SYT16: variants seen among roughly 807,000 people sequenced by gnomAD.
The protein encoded by SYT16 is synaptotagmin 16, also known as synaptotagmin-16.
SYT16 carries 42 observed loss-of-function variants against 61.4 expected under a neutral mutation model. That is an observed-to-expected ratio of 0.68 (90% confidence interval 0.53 to 0.89). SYT16 has a LOEUF of 0.89. Ranked by LOEUF, SYT16 falls within the 40% of genes least tolerant of loss-of-function variation. The pLI is 0.00. For missense variants in SYT16, 804 were observed against 807.3 expected (o/e 1.00, Z 0.05); for synonymous variants, 314 against 302.3 (o/e 1.04, Z -0.40).
chr14:61,893,586 G>C (rs1472945455), intron 1 of SYT16, among the ~76,000 whole-genome samples: 1 of 152,118 alleles, frequency 6.6e-6, no homozygotes, highest in Non-Finnish European at 1.5e-5. Flanking sequence ...AAATCACTTG[G>C]GTGCTTGTGA....
chr14:61,898,385 A>G (rs574335662), intron 1 of SYT16, among the ~76,000 whole-genome samples: 2 of 152,326 alleles, frequency 1.3e-5, no homozygotes, highest in East Asian at 1.9e-4. Context: ...CTTAATATCC[A>G]TCTCAAGTTG....
chr14:62,044,574 A>C (rs748296890), intron 3 of SYT16, among the ~76,000 whole-genome samples: 37 of 151,970 alleles, frequency 2.4e-4, no homozygotes, highest in Non-Finnish European at 4.3e-4. Context: ...TTCCTGTGTT[A>C]GTTTGCTGAG....
chr14:62,048,998 G>A (rs1013955912), intron 3 of SYT16, among the ~76,000 whole-genome samples: 1 of 152,118 alleles, frequency 6.6e-6, no homozygotes, highest in Non-Finnish European at 1.5e-5. Context: ...AGGTCTGCTT[G>A]GTGCAGAGCT....
chr14:61,854,808 C>T (rs1415887883), intron 1 of SYT16, among the ~76,000 whole-genome samples: 2 of 151,986 alleles, frequency 1.3e-5, no homozygotes, highest in Non-Finnish European at 2.9e-5. Flanking sequence ...TTTTTCTCCA[C>T]ACTTACCTAA....
intron 1 of SYT16, among the ~76,000 whole-genome samples, chr14:61,938,117 A>G: frequency 6.6e-6 from 1 of 151,556 alleles, no homozygotes; most frequent in East Asian, 1.9e-4. Context: ...CTATAAGTTT[A>G]ATTTTTCAAT....
chr14:61,888,333 G>C (rs2047994000), intron 1 of SYT16, among the ~76,000 whole-genome samples: 1 of 152,016 alleles, frequency 6.6e-6, no homozygotes, highest in Non-Finnish European at 1.5e-5. Context: ...GGCCAGGCTG[G>C]TCTCAAACTC....
intron 7 of SYT16, among the ~76,000 whole-genome samples, chr14:62,094,447 A>G (rs1406028694): frequency 1.3e-5 from 2 of 152,032 alleles, no homozygotes; most frequent in African/African-American, 2.4e-5. Context: ...TTCTTTTTTT[A>G]GAGCAACAAA....
At chr14:62,050,893 A>C (rs1319321717) in intron 3 of SYT16, among the ~76,000 whole-genome samples, 1 of 151,698 alleles carries the variant, frequency 6.6e-6, no homozygotes, top group African/African-American at 2.4e-5. Context: ...CTGGGAGGTG[A>C]CTCCCAGTTA....
At chr14:62,070,282 G>A (rs1365064653) in intron 4 of SYT16, among the ~76,000 whole-genome samples, 4 of 152,248 alleles carry the variant, frequency 2.6e-5, no homozygotes, top group East Asian at 3.9e-4. Context: ...TTTGCATTAC[G>A]AAATCAATGG....
At position 61,987,338 on chromosome 14, in the gene SYT16, A is replaced by G. The variant is rs574576597; in HGVS notation, c.-144-8538A>G. 1.2e-4 allele frequency among the ~76,000 whole-genome samples: 18 copies of G among 152,312 alleles called. 1 individual carries two copies. The highest frequency in any genetic ancestry group is 1.2e-3 in the Admixed American group (18 of 15,280). On this transcript the variant is annotated intron_variant, in intron 2 of 7. Transcript: ENST00000683842. The stretch of plus-strand genomic sequence containing the variant: ...GGCCTTCTGAGTCTTGTGAATTTTG[A>G]ACTTTGCCATAAGTGCAATGGGAAG...
At position 62,101,374 on chromosome 14, in the gene SYT16, C is replaced by T. The variant is rs1281617896; in HGVS notation, c.*667C>T. ...TTGAAGCAAGAAAAGAGTTCAGAAA[C>T]TACTGTTTTAAGACAACTTGTCTCC... On this transcript the variant is annotated 3_prime_UTR_variant, in exon 8 of 8. Coordinates refer to ENST00000683842, the MANE Select transcript of SYT16 (RefSeq NM_001367656.1). The T allele has an allele frequency of 6.6e-6, 1 of 152,078 alleles. No individual in the cohort carries two copies. Among genetic ancestry groups the T allele is most frequent in the African/African-American group, 2.4e-5 (1 of 41,408 alleles). The allele number at this position is 152,078 out of a possible 1,614,324, so 9.4% of individuals were successfully genotyped here. A position where few individuals can be genotyped will look rare whatever the true frequency, so the allele number is the denominator to read the frequency against.
intron 2 of SYT16, 94 bp from the exon 3 acceptor site, chr14:61,995,782 G>T (rs2052741873): frequency 5.1e-6 from 2 of 389,740 alleles, no homozygotes; most frequent in Admixed American, 4.3e-5. Context: ...CCCTTTTTGT[G>T]CCCAAATGCT....
At chr14:61,937,200 G>T (rs1357619477) in intron 1 of SYT16, among the ~76,000 whole-genome samples, 1 of 152,222 alleles carries the variant, frequency 6.6e-6, no homozygotes, top group East Asian at 1.9e-4. Context: ...TGAAGCAGTA[G>T]TTCATCATGA....
At chr14:61,929,254 T>C (rs1425167080) in intron 1 of SYT16, among the ~76,000 whole-genome samples, 2 of 152,202 alleles carry the variant, frequency 1.3e-5, no homozygotes, top group Non-Finnish European at 2.9e-5. Flanking sequence ...CCCCTCAGGT[T>C]TGGCCGACTA....
At chr14:62,046,774 C>T (rs1013181842) in intron 3 of SYT16, among the ~76,000 whole-genome samples, 2 of 152,002 alleles carry the variant, frequency 1.3e-5, no homozygotes, top group Non-Finnish European at 2.9e-5. Context: ...AGATATGTGG[C>T]ATTATGTCTG....
chr14:62,075,385 T>G lies in SYT16; in HGVS notation c.987T>G (p.Ser329Arg). 1 of 1,600,624 alleles carries G rather than the reference T, an allele frequency of 6.2e-7. No individual in the cohort carries two copies. The highest frequency in any genetic ancestry group is 1.1e-5 in the South Asian group (1 of 90,454). The part of the protein sequence containing the change: ...SYATDSSSMW[S>R]PEEQDRTNLQ... ...CCACTGACAGCTCCTCCATGTGGAGTCCAGAGGCAAGTTATTTGTTTTTCA... is the reference window on the plus strand; with the variant it reads ...CCACTGACAGCTCCTCCATGTGGAGGCCAGAGGCAAGTTATTTGTTTTTCA... The change falls in exon 5 of 8, where the codon AGT (serine) becomes AGG (arginine). Residue 329 changes from serine (S) to arginine (R), a missense_variant. Ser to Arg is a moderately radical substitution (Grantham distance 110). Coordinates refer to ENST00000683842, the MANE Select transcript of SYT16 (RefSeq NM_001367656.1).
Position 62,103,640 on chromosome 14 carries a change from C to G in SYT16, c.*2933C>G, listed in dbSNP as rs2057461697. On this transcript the variant is annotated 3_prime_UTR_variant, in exon 8 of 8. Coordinates refer to ENST00000683842, the MANE Select transcript of SYT16 (RefSeq NM_001367656.1). ...CAGCCGAACACCTGCTCTCCGTTCCCTCTCCTTCACTGGCTCCCAGTGTGA... is the reference window on the plus strand; with the variant it reads ...CAGCCGAACACCTGCTCTCCGTTCCGTCTCCTTCACTGGCTCCCAGTGTGA... 6.6e-6 allele frequency: 1 copy of G among 152,218 alleles called. No individual in the cohort carries two copies. The highest frequency in any genetic ancestry group is 1.5e-5 in the Non-Finnish European group (1 of 68,082). The allele number at this position is 152,218 out of a possible 1,614,324, so 9.4% of individuals were successfully genotyped here. A position where few individuals can be genotyped will look rare whatever the true frequency, so the allele number is the denominator to read the frequency against.
chr14:62,087,376 C>T (rs1470759849), intron 7 of SYT16, among the ~76,000 whole-genome samples: 5 of 152,164 alleles, frequency 3.3e-5, no homozygotes, highest in African/African-American at 9.7e-5. Flanking sequence ...ACCACAGGGT[C>T]GCCGCCGGCC....
intron 1 of SYT16, among the ~76,000 whole-genome samples, chr14:61,896,076 ATT>A (rs200813166): frequency 7.0e-6 from 1 of 142,060 alleles, no homozygotes; most frequent in African/African-American, 2.6e-5. Flanking sequence ...CTTTGGAGCC[ATT>A]TTTTTTTTTT....
Sources: allele counts gnomAD v4.1 joint callset (sites outside exome capture counted in the v4.1 genomes callset), GRCh38; gene constraint gnomAD v4.1.1; transcripts MANE v1.5; gene names NCBI Gene and HGNC (gene_info 2026-07-23, HGNC 2026-07-21).